Variants in LRRTM4 observed in about 807,000 individuals in gnomAD.
LRRTM4 encodes the protein leucine rich repeat transmembrane neuronal 4.
LRRTM4 carries 25 observed loss-of-function variants against 47.6 expected under a neutral mutation model. The observed-to-expected ratio is 0.53, with a 90% CI of 0.38 to 0.73. The LOEUF is 0.73. LRRTM4 is among the 30% of genes least tolerant of loss of function. LRRTM4 has a pLI of 0.00. For synonymous variants in LRRTM4, 311 were observed against 269.5 expected (o/e 1.15, Z -1.51); for missense variants, 638 against 713.4 (o/e 0.89, Z 1.20).
chr2:77,415,171 G>T (rs1017799593), intron 3 of LRRTM4, among the ~76,000 whole-genome samples: 1 of 152,036 alleles, frequency 6.6e-6, no homozygotes, highest in Non-Finnish European at 1.5e-5. Flanking sequence ...CAAATATTTT[G>T]TATACATTTT....
chr2:77,309,732 T>C (rs1355578321), intron 3 of LRRTM4, among the ~76,000 whole-genome samples: 1 of 141,154 alleles, frequency 7.1e-6, no homozygotes, highest in Non-Finnish European at 1.6e-5. Flanking sequence ...GATAGATAGA[T>C]ATAACAAAAG....
intron 3 of LRRTM4, among the ~76,000 whole-genome samples, chr2:76,872,597 G>A (rs1672654932): frequency 6.6e-6 from 1 of 151,886 alleles, no homozygotes; most frequent in Admixed American, 6.6e-5. Context: ...CTGCTGGTGG[G>A]GTCACAGACA....
At chr2:77,294,335 A>G (rs1188839495) in intron 3 of LRRTM4, among the ~76,000 whole-genome samples, 1 of 152,152 alleles carries the variant, frequency 6.6e-6, no homozygotes. Flanking sequence ...GTTATCAAAT[A>G]TAGATATTTT....
chr2:77,148,004 T>C (rs1189903187), intron 3 of LRRTM4, among the ~76,000 whole-genome samples: 1 of 152,156 alleles, frequency 6.6e-6, no homozygotes, highest in Non-Finnish European at 1.5e-5. Context: ...GGAAAAAATT[T>C]GCAAATCTTA....
chr2:77,454,359 G>T (rs184535370), intron 3 of LRRTM4, among the ~76,000 whole-genome samples: 1 of 152,266 alleles, frequency 6.6e-6, no homozygotes, highest in African/African-American at 2.4e-5. Context: ...ATCATTTAAA[G>T]CTGTGACGGC....
At chr2:76,962,475 A>T (rs1675892444) in intron 3 of LRRTM4, among the ~76,000 whole-genome samples, 1 of 150,990 alleles carries the variant, frequency 6.6e-6, no homozygotes, top group African/African-American at 2.4e-5. Flanking sequence ...GAGGTATATG[A>T]TTATTTACTA....
At chr2:76,840,971 C>A (rs1238529846) in intron 3 of LRRTM4, among the ~76,000 whole-genome samples, 4 of 151,556 alleles carry the variant, frequency 2.6e-5, no homozygotes, top group Non-Finnish European at 5.9e-5. Context: ...AAGACACATG[C>A]ACACGTATGT....
intron 3 of LRRTM4, among the ~76,000 whole-genome samples, chr2:76,986,849 C>T (rs965871681): frequency 6.6e-6 from 1 of 151,870 alleles, no homozygotes; most frequent in Non-Finnish European, 1.5e-5. Context: ...TTTGATTTTA[C>T]TTTCTATTGT....
chr2:76,927,553 A>T (rs972752007), intron 3 of LRRTM4, among the ~76,000 whole-genome samples: 1 of 152,164 alleles, frequency 6.6e-6, no homozygotes, highest in African/African-American at 2.4e-5. Flanking sequence ...TTAGTTTTCC[A>T]AAAGTCATGT....
At chr2:77,518,223 A>C in intron 3 of LRRTM4, 95 bp downstream of exon 3, 1 of 1,395,768 alleles carries the variant, frequency 7.2e-7, no homozygotes, top group Non-Finnish European at 9.3e-7. Flanking sequence ...AAGGGTCATT[A>C]ATCTTTCTAG....
In LRRTM4 at chr2:76,824,044, G is replaced by A. The variant is rs151231211; in HGVS notation, c.1552-75128C>T. Among the ~76,000 whole-genome samples the A allele has an allele frequency of 2.5e-3, 369 of 150,542 alleles. 6 individuals are homozygous for A. The highest frequency in any genetic ancestry group is 8.8e-3 in the African/African-American group (356 of 40,598). ...GTCCTGTCCACAGGACATCCACCTG[G>A]GTAATCTGATTCTTATCTTTCATTG... is the stretch of plus-strand genomic sequence containing the variant. On this transcript the variant is annotated intron_variant, in intron 3 of 3. Transcript: ENST00000409884.
intron 3 of LRRTM4, among the ~76,000 whole-genome samples, chr2:77,365,940 T>C (rs1461967144): frequency 6.7e-6 from 1 of 148,824 alleles, no homozygotes; most frequent in Non-Finnish European, 1.5e-5. Context: ...TTATTTTTCC[T>C]ACATTATATA....
chr2:77,098,098 T>C (rs1670859788), intron 3 of LRRTM4, among the ~76,000 whole-genome samples: 1 of 152,018 alleles, frequency 6.6e-6, no homozygotes, highest in African/African-American at 2.4e-5. Flanking sequence ...ATGAAACTTA[T>C]TATTCACACT....
chr2:77,051,632 T>C (rs7577448), intron 3 of LRRTM4, among the ~76,000 whole-genome samples: 2,656 of 152,292 alleles, frequency 0.017, 60 homozygotes, highest in African/African-American at 0.052. Context: ...TCTGAAATTA[T>C]TTTCTATTCT....
chr2:77,391,281 G>A (rs760317473), intron 3 of LRRTM4, among the ~76,000 whole-genome samples: 4 of 151,978 alleles, frequency 2.6e-5, no homozygotes, highest in Non-Finnish European at 5.9e-5. Flanking sequence ...TGCACAAATG[G>A]TCTCTGGAAG....
At chr2:76,854,177 G>A (rs910354787) in intron 3 of LRRTM4, among the ~76,000 whole-genome samples, 2 of 152,070 alleles carry the variant, frequency 1.3e-5, no homozygotes, top group African/African-American at 4.8e-5. Context: ...AGCAGTAGTG[G>A]TAGAACATTA....
chr2:77,387,516 C>T (rs533088377), intron 3 of LRRTM4, among the ~76,000 whole-genome samples: 12 of 152,212 alleles, frequency 7.9e-5, no homozygotes, highest in Non-Finnish European at 1.5e-5. Flanking sequence ...CATGCAAATC[C>T]AGTACATGCA....
chr2:77,407,304 A>AT (rs760874863), intron 3 of LRRTM4, among the ~76,000 whole-genome samples: 1 of 151,900 alleles, frequency 6.6e-6, no homozygotes, highest in Admixed American at 6.6e-5. Flanking sequence ...CCTTTATATT[A>AT]TTTTCAGAAT....
At chr2:77,134,945 G>A (rs1472615865) in intron 3 of LRRTM4, among the ~76,000 whole-genome samples, 1 of 151,992 alleles carries the variant, frequency 6.6e-6, no homozygotes, top group African/African-American at 2.4e-5. Flanking sequence ...GGTAATTTTA[G>A]TTATTTAGAA....
Sources: gnomAD v4.1 joint callset for allele counts (sites outside exome capture counted in the v4.1 genomes callset) on GRCh38, gnomAD v4.1.1 for gene constraint, MANE v1.5 for transcripts, NCBI Gene and HGNC (gene_info 2026-07-23, HGNC 2026-07-21) for gene names.